The following GNAL variants were observed in gnomAD, a reference collection of about 807,000 sequenced individuals.
GNAL encodes the protein guanine nucleotide-binding protein G(olf) subunit alpha.
A neutral mutation model predicts 55.1 loss-of-function variants in GNAL; 18 were observed. That is an observed-to-expected ratio of 0.33 (90% confidence interval 0.23 to 0.48). The LOEUF (loss-of-function observed/expected upper bound fraction) is 0.48, where lower values mean the gene tolerates loss of function less well. Among genes scored for constraint, GNAL ranks in the 20% least tolerant of loss-of-function variants. The pLI is 0.99. For missense variants in GNAL, 412 were observed against 614.1 expected, an observed-to-expected ratio of 0.67 and a Z score of 3.48; for synonymous variants, 253 against 237.0, an observed-to-expected ratio of 1.07 and a Z score of -0.62.
At chr18:11,871,918 T>G (rs1158439424) in intron 9 of GNAL, among the ~76,000 whole-genome samples, 1 of 152,240 alleles carries the variant, frequency 6.6e-6, no homozygotes, top group East Asian at 1.9e-4. Flanking sequence ...TGTTGTTGTT[T>G]TTTGGAATAG....
In GNAL at chr18:11,868,485, T is replaced by C. The variant is rs2036317027; in HGVS notation, c.911-58T>C. On this transcript the variant is annotated intron_variant, in intron 8 of 11. Coordinates refer to ENST00000334049, the MANE Select transcript of GNAL (RefSeq NM_182978.4). This position sits in a 1 kb window ranked among gnomAD's most constrained non-coding sequence, Gnocchi z 4.0. ...GAGTAGCTGCTGGGTGTGTACTTTC[T>C]TGTAACTCCACAGTGAGGATGTCTA... 2.0e-6 allele frequency: 3 copies of C among 1,479,498 alleles called. No homozygotes were observed. The highest frequency in any genetic ancestry group is 2.4e-5 in the South Asian group (2 of 82,034). The allele number at this position is 1,479,498 out of a possible 1,614,324, so 91.6% of individuals were successfully genotyped here.
intron 11 of GNAL, 27 bp from the exon 12 acceptor site, chr18:11,880,962 G>C (rs758319152): frequency 3.1e-6 from 5 of 1,609,762 alleles, no homozygotes; most frequent in Non-Finnish European, 4.2e-6. Context: ...GGCCGCGCAG[G>C]GCTAGTGCAC....
At chr18:11,764,330 C>T (rs1004817702) in intron 4 of GNAL, among the ~76,000 whole-genome samples, 1 of 152,106 alleles carries the variant, frequency 6.6e-6, no homozygotes, top group African/African-American at 2.4e-5. Flanking sequence ...TGGTCTCAAA[C>T]TCCCAACCTT....
intron 1 of GNAL, among the ~76,000 whole-genome samples, chr18:11,738,991 C>A (rs999093908): frequency 5.9e-5 from 9 of 152,130 alleles, no homozygotes. Flanking sequence ...TTATTTCATG[C>A]GATCAGTGCA....
At chr18:11,765,866 AT>A (rs1324328144) in intron 4 of GNAL, among the ~76,000 whole-genome samples, 1 of 152,146 alleles carries the variant, frequency 6.6e-6, no homozygotes, top group African/African-American at 2.4e-5. Context: ...AACAAAAAAG[AT>A]TTTTGTTTCC....
At chr18:11,856,044 A>G (rs34827528) in intron 5 of GNAL, among the ~76,000 whole-genome samples, 92 of 151,160 alleles carry the variant, frequency 6.1e-4, no homozygotes, top group Non-Finnish European at 1.2e-3. Context: ...TAGTATCAGC[A>G]TCAGCTGGCC....
chr18:11,793,721 C>G (rs1598464145), intron 4 of GNAL, among the ~76,000 whole-genome samples: 1 of 151,870 alleles, frequency 6.6e-6, no homozygotes, highest in Non-Finnish European at 1.5e-5. Flanking sequence ...GTCAGGAGAT[C>G]GAGACCATCC....
At chr18:11,812,371 TAC>T (rs2034838746) in intron 4 of GNAL, among the ~76,000 whole-genome samples, 1 of 152,182 alleles carries the variant, frequency 6.6e-6, no homozygotes, top group South Asian at 2.1e-4. Flanking sequence ...CATCTTCCTG[TAC>T]TTGGGAACCT....
chr18:11,864,256 T>A (rs1404895273), intron 6 of GNAL, among the ~76,000 whole-genome samples: 1 of 151,990 alleles, frequency 6.6e-6, no homozygotes, highest in Non-Finnish European at 1.5e-5. Flanking sequence ...CTGGCTAATT[T>A]GGTTTTTTTG....
chr18:11,714,249 G>A (rs1172628857), intron 1 of GNAL, among the ~76,000 whole-genome samples: 1 of 152,168 alleles, frequency 6.6e-6, no homozygotes, highest in East Asian at 1.9e-4. Context: ...TGCCAAGGTT[G>A]AGGACAGCCC....
intron 5 of GNAL, among the ~76,000 whole-genome samples, chr18:11,825,506 G>A (rs1042614498): frequency 6.6e-6 from 1 of 152,036 alleles, no homozygotes; most frequent in African/African-American, 2.4e-5. Flanking sequence ...CAAGGCAGGC[G>A]GATCACCTGA....
rs188014726 is a variant in GNAL at position 11,851,816 on chromosome 18, C to T, written c.723-10579C>T. 1.2e-5 allele frequency: 19 copies of T among 1,613,942 alleles called. No homozygotes were observed. The highest frequency in any genetic ancestry group is 8.3e-5 in the Admixed American group (5 of 60,024). ...GGTGTGGTTAAGTCGATGGATGCGA[C>T]ATTGAAGACCATGAATCTGGAGAAG... On this transcript the variant is annotated intron_variant, in intron 5 of 11. Coordinates refer to ENST00000334049, the MANE Select transcript of GNAL (RefSeq NM_182978.4).
At chr18:11,779,589 A>G (rs1189547926) in intron 4 of GNAL, among the ~76,000 whole-genome samples, 1 of 152,184 alleles carries the variant, frequency 6.6e-6, no homozygotes, top group African/African-American at 2.4e-5. Flanking sequence ...CATCCTACAA[A>G]CAATCAGATC....
At chr18:11,721,529 G>A (rs1325266825) in intron 1 of GNAL, among the ~76,000 whole-genome samples, 1 of 152,046 alleles carries the variant, frequency 6.6e-6, no homozygotes, top group Non-Finnish European at 1.5e-5. Context: ...GTCGAGGTGG[G>A]CAGATCACCT....
At chr18:11,848,814 T>C (rs16976749) in intron 5 of GNAL, among the ~76,000 whole-genome samples, 10,013 of 152,246 alleles carry the variant, frequency 0.066, 468 homozygotes, top group African/African-American at 0.13. Context: ...CTCTGTCTTC[T>C]CAAAAAAACA....
intron 1 of GNAL, among the ~76,000 whole-genome samples, chr18:11,733,964 A>G (rs766301089): frequency 6.6e-6 from 1 of 151,682 alleles, no homozygotes; most frequent in Non-Finnish European, 1.5e-5. Context: ...GTTCTGTAGA[A>G]CTGCGCCATC....
intron 1 of GNAL, among the ~76,000 whole-genome samples, chr18:11,694,169 A>C (rs1198816834): frequency 6.6e-6 from 1 of 152,028 alleles, no homozygotes; most frequent in Non-Finnish European, 1.5e-5. Context: ...TTATCACTCC[A>C]TGCCTGCTAG....
At chr18:11,779,505 T>C (rs2033872742) in intron 4 of GNAL, among the ~76,000 whole-genome samples, 1 of 152,192 alleles carries the variant, frequency 6.6e-6, no homozygotes, top group Non-Finnish European at 1.5e-5. Flanking sequence ...TGGAGCAGCC[T>C]GAAAAGGAGA....
intron 2 of GNAL, 150 bp downstream of exon 2, chr18:11,753,075 G>A (rs898678799): frequency 3.4e-6 from 2 of 584,482 alleles, no homozygotes; most frequent in Non-Finnish European, 3.1e-6. Flanking sequence ...TGTTGGATTT[G>A]GTATATTTAG....
Sources: allele counts gnomAD v4.1 joint callset (sites outside exome capture counted in the v4.1 genomes callset), GRCh38; gene constraint gnomAD v4.1.1; non-coding constraint Gnocchi (gnomAD v3.1); transcripts MANE v1.5; gene names NCBI Gene and HGNC (gene_info 2026-07-23, HGNC 2026-07-21).